Variants in MFAP5 observed in about 807,000 individuals in gnomAD.
MFAP5 encodes the protein microfibrillar-associated protein 5.
Under a neutral mutation model 30.1 loss-of-function variants are expected in MFAP5, and 19 were observed. That is an observed-to-expected ratio of 0.63 (90% CI 0.44 to 0.93). The LOEUF (loss-of-function observed/expected upper bound fraction) is 0.93, where lower values mean the gene tolerates loss of function less well. Ranked by LOEUF, MFAP5 falls within the 40% of genes least tolerant of loss-of-function variation. The pLI, the probability that MFAP5 is intolerant of heterozygous loss-of-function variation, is 0.00. For missense variants in MFAP5, 210 were observed against 221.3 expected (o/e 0.95, Z 0.32); for synonymous variants, 92 against 72.9 (o/e 1.26, Z -1.33).
intron 3 of MFAP5, among the ~76,000 whole-genome samples, chr12:8,660,048 G>A (rs781578066): frequency 9.9e-5 from 15 of 151,944 alleles, no homozygotes; most frequent in Non-Finnish European, 1.6e-4. Context: ...GTCCTCTAGG[G>A]GTCACAACTT....
intron 3 of MFAP5, 22 bp downstream of exon 3, chr12:8,660,841 C>T (rs376232287): frequency 8.7e-6 from 14 of 1,604,586 alleles, no homozygotes; most frequent in Admixed American, 8.4e-5. Flanking sequence ...CCAACAGAGC[C>T]GCTATCCAAG....
intron 3 of MFAP5, among the ~76,000 whole-genome samples, chr12:8,659,292 G>A (rs1317426355): frequency 6.7e-6 from 1 of 149,562 alleles, no homozygotes; most frequent in South Asian, 2.1e-4. Context: ...TGGGTAACAA[G>A]AGCGAAACTC....
In MFAP5 at chr12:8,650,564, G is replaced by A. The variant is rs2136461510; in HGVS notation, c.273C>T (p.Cys91=). ...TAECWDEKFT[C]TRLYSVHRPV... is the part of the protein sequence containing the mutation. ...GCCGATGCACAGAGTAGAGCCTTGT[G>A]CAGGTAAATTTCTCATCCCAGCACT... The change falls in exon 8 of 10, where the codon TGC becomes TGT. Residue 91 remains cysteine, a synonymous_variant. Coordinates refer to ENST00000359478, the MANE Select transcript of MFAP5 (RefSeq NM_003480.4). 6.2e-7 allele frequency: 1 copy of A among 1,614,036 alleles called. No individual in the cohort carries two copies. Among genetic ancestry groups the A allele is most frequent in the Non-Finnish European group, 8.5e-7 (1 of 1,180,016 alleles).
chr12:8,657,888 CT>C (rs1359857686), intron 3 of MFAP5, among the ~76,000 whole-genome samples: 1 of 151,918 alleles, frequency 6.6e-6, no homozygotes, highest in East Asian at 1.9e-4. Flanking sequence ...CTTTTTTTAA[CT>C]TCAGATTCTA....
intron 8 of MFAP5, among the ~76,000 whole-genome samples, chr12:8,650,112 A>G (rs889956670): frequency 6.6e-6 from 1 of 152,168 alleles, no homozygotes; most frequent in Non-Finnish European, 1.5e-5. Context: ...CCATTGTTTT[A>G]GTTATTCTTC....
intron 2 of MFAP5, 40 bp downstream of exon 2, chr12:8,662,007 A>T: frequency 2.5e-6 from 4 of 1,582,964 alleles, no homozygotes; most frequent in Non-Finnish European, 2.6e-6. Context: ...TGTATAGCTG[A>T]GGAGCTGAGG....
intron 3 of MFAP5, among the ~76,000 whole-genome samples, chr12:8,659,643 C>T (rs181317142): frequency 4.0e-4 from 61 of 152,056 alleles, no homozygotes; most frequent in Non-Finnish European, 1.3e-4. Context: ...TTCAGAAACT[C>T]GGGGATTCGG....
intron 7 of MFAP5, among the ~76,000 whole-genome samples, chr12:8,650,982 C>A (rs924225073): frequency 6.6e-6 from 1 of 152,056 alleles, no homozygotes; most frequent in African/African-American, 2.4e-5. Flanking sequence ...GCCTGGCCAA[C>A]AAGGTAAAAC....
At chr12:8,654,583 T>C (rs887038198) in intron 5 of MFAP5, 102 bp from the exon 6 acceptor site, 10 of 1,095,526 alleles carry the variant, frequency 9.1e-6, no homozygotes, top group Non-Finnish European at 1.4e-5. Context: ...GGTGGAAGAC[T>C]ATGTCTGGCT....
intron 8 of MFAP5, 86 bp downstream of exon 8, chr12:8,650,416 A>G (rs529781962): frequency 3.3e-5 from 46 of 1,392,740 alleles, no homozygotes; most frequent in African/African-American, 1.4e-4. Context: ...AAAGTTTGCA[A>G]TTCCATAGTG....
chr12:8,650,292 CTTCTAAG>C (rs374654528), intron 8 of MFAP5: 438 of 545,262 alleles, frequency 8.0e-4, no homozygotes, highest in African/African-American at 7.6e-3. Flanking sequence ...CTTCATTTCC[CTTCTAAG>C]TTCTATTACT....
rs1941724322 is a variant in MFAP5 at position 8,647,827 on chromosome 12, T to G, written c.*264A>C. ...ATAGAATGTTTGTATATAAGCCATA[T>G]AGTCATCATCTATTCACTGTGTCTA... On this transcript the variant is annotated 3_prime_UTR_variant, in exon 10 of 10. Transcript: ENST00000359478. 3.8e-6 allele frequency: 1 copy of G among 261,992 alleles called. No homozygotes were observed. The highest frequency in any genetic ancestry group is 6.5e-5 in the South Asian group (1 of 15,386). The allele number at this position is 261,992 out of a possible 1,614,324, so 16.2% of individuals were successfully genotyped here. A position where few individuals can be genotyped will look rare whatever the true frequency, so the allele number is the denominator to read the frequency against.
chr12:8,660,053 C>T (rs140848196), intron 3 of MFAP5, among the ~76,000 whole-genome samples: 220 of 152,232 alleles, frequency 1.4e-3, no homozygotes, highest in African/African-American at 5.1e-3. Flanking sequence ...CTAGGGGTCA[C>T]AACTTTTGGG....
At chr12:8,650,672 A>T in intron 7 of MFAP5, 83 bp from the exon 8 acceptor site, 1 of 1,176,334 alleles carries the variant, frequency 8.5e-7, no homozygotes, top group East Asian at 2.4e-5. Flanking sequence ...GGAAGGATAG[A>T]TAGAGTAGGA....
rs1315392459 is a variant in MFAP5 at position 8,657,604 on chromosome 12, C to T, written c.95-1774G>A. ...TTTTTTTTTGAGACGGAGTCTCGCCCTATCGCCCAGGCTGGAGTGCAGTGG... is the reference window on the plus strand; with the variant it reads ...TTTTTTTTTGAGACGGAGTCTCGCCTTATCGCCCAGGCTGGAGTGCAGTGG... On this transcript the variant is annotated intron_variant, in intron 3 of 9. Transcript: ENST00000359478. Among the ~76,000 whole-genome samples, 5 of 145,352 alleles carry T rather than the reference C, an allele frequency of 3.4e-5. No individual in the cohort carries two copies. In the East Asian group the frequency reaches 8.0e-4, roughly 23 times the overall value.
chr12:8,647,877 T>C lies in MFAP5; in HGVS notation c.*214A>G. The C allele has an allele frequency of 2.5e-6, 1 of 396,490 alleles. No individual in the cohort carries two copies. The highest frequency in any genetic ancestry group is 3.6e-5 in the South Asian group (1 of 28,080). 24.6% of individuals were successfully genotyped at this position (396,490 alleles called of 1,614,324 possible). ...ATGATATTGAGAAGCAGCAAAATTA[T>C]GCAATAATATAGACTTTGTATTTTA... On this transcript the variant is annotated 3_prime_UTR_variant, in exon 10 of 10. Transcript: ENST00000359478.
intron 3 of MFAP5, among the ~76,000 whole-genome samples, chr12:8,659,909 T>G (rs891716617): frequency 5.3e-5 from 8 of 152,158 alleles, no homozygotes; most frequent in African/African-American, 1.9e-4. Flanking sequence ...ATGATCCCAT[T>G]AATAGGTTGC....
At chr12:8,661,995 C>G (rs867189114) in intron 2 of MFAP5, 52 bp downstream of exon 2, 1 of 1,534,488 alleles carries the variant, frequency 6.5e-7, no homozygotes, top group East Asian at 2.2e-5. Flanking sequence ...CTGCCACACA[C>G]GTGTATAGCT....
intron 9 of MFAP5, chr12:8,648,547 A>G: frequency 7.8e-6 from 10 of 1,283,562 alleles, no homozygotes; most frequent in Non-Finnish European, 8.1e-6. Flanking sequence ...AATTCTTCTA[A>G]TCATGGATCT....
Sources: gnomAD v4.1 joint callset for allele counts (sites outside exome capture counted in the v4.1 genomes callset) on GRCh38, gnomAD v4.1.1 for gene constraint, MANE v1.5 for transcripts, NCBI Gene and HGNC (gene_info 2026-07-23, HGNC 2026-07-21) for gene names.